Variants in LHFPL3 observed in about 807,000 individuals in gnomAD.
The protein encoded by LHFPL3 is LHFPL tetraspan subfamily member 3 protein.
LHFPL3 carries 5 observed loss-of-function variants against 19.3 expected under a neutral mutation model. That is an observed-to-expected ratio of 0.26 (90% CI 0.14 to 0.54). The LOEUF is 0.54. LHFPL3 is among the 20% of genes least tolerant of loss of function. The probability of loss-of-function intolerance (pLI) is 0.94; values close to 1 mark genes in which losing one functional copy is unlikely to be tolerated. For missense variants in LHFPL3, 249 were observed against 307.4 expected, an observed-to-expected ratio of 0.81 and a Z score of 1.42; for synonymous variants, 133 against 126.2, an observed-to-expected ratio of 1.05 and a Z score of -0.36.
At chr7:104,733,721 A>C (rs1347372460) in intron 1 of LHFPL3, among the ~76,000 whole-genome samples, 1 of 152,204 alleles carries the variant, frequency 6.6e-6, no homozygotes, top group Non-Finnish European at 1.5e-5. Context: ...GCCCATTTAC[A>C]TCTAAGACTA....
In LHFPL3 at chr7:104,871,973, T is replaced by TTATACCCTTATTCAACAGGTTTTTTCTC. The variant is rs1316065624; in HGVS notation, c.683-34210_683-34209insCCCTTATTCAACAGGTTTTTTCTCTATA. Among the ~76,000 whole-genome samples the TTATACCCTTATTCAACAGGTTTTTTCTC allele has an allele frequency of 3.9e-5, 6 of 152,236 alleles. No homozygotes were observed. In the East Asian group the frequency reaches 1.2e-3, roughly 29 times the overall value. ...ATGCCCAGCCAATATTATTTTTTCT[T>TTATACCCTTATTCAACAGGTTTTTTCTC]TATATCCTTATTCAACAGGTTTTTT... On this transcript the variant is annotated intron_variant, in intron 2 of 2. Coordinates refer to ENST00000424859, the MANE Select transcript of LHFPL3 (RefSeq NM_199000.3).
chr7:104,525,406 A>G (rs927397198), intron 1 of LHFPL3, among the ~76,000 whole-genome samples: 1 of 152,172 alleles, frequency 6.6e-6, no homozygotes, highest in Non-Finnish European at 1.5e-5. Context: ...TAATGCAGAT[A>G]CTTTTGGTTG....
intron 1 of LHFPL3, among the ~76,000 whole-genome samples, chr7:104,387,189 A>G (rs995480761): frequency 6.6e-6 from 1 of 152,132 alleles, no homozygotes; most frequent in Non-Finnish European, 1.5e-5. Flanking sequence ...TATTTTTAAA[A>G]CTGAATAAAA....
chr7:104,376,640 C>G (rs1790720086), intron 1 of LHFPL3, among the ~76,000 whole-genome samples: 1 of 152,098 alleles, frequency 6.6e-6, no homozygotes, highest in African/African-American at 2.4e-5. Flanking sequence ...TCTATGAAAG[C>G]TTTTATCAAA....
intron 1 of LHFPL3, among the ~76,000 whole-genome samples, chr7:104,418,684 A>G (rs1168659393): frequency 6.6e-6 from 1 of 152,232 alleles, no homozygotes; most frequent in Non-Finnish European, 1.5e-5. Flanking sequence ...AAGTCACTGC[A>G]GAGCATAATG....
intron 2 of LHFPL3, among the ~76,000 whole-genome samples, chr7:104,748,782 C>A (rs1295564743): frequency 6.6e-6 from 1 of 152,130 alleles, no homozygotes; most frequent in Non-Finnish European, 1.5e-5. Flanking sequence ...CCCGGGTCCC[C>A]TTATTTCTTT....
intron 1 of LHFPL3, among the ~76,000 whole-genome samples, chr7:104,657,670 TTG>T (rs1192090180): frequency 6.6e-6 from 1 of 152,204 alleles, no homozygotes; most frequent in African/African-American, 2.4e-5. Flanking sequence ...CCCACATCCT[TTG>T]CAGTCCAGTT....
At chr7:104,724,457 A>G (rs1793553154) in intron 1 of LHFPL3, among the ~76,000 whole-genome samples, 1 of 152,202 alleles carries the variant, frequency 6.6e-6, no homozygotes, top group African/African-American at 2.4e-5. Context: ...TTTTAAGTGC[A>G]ATTGTGTGTT....
chr7:104,888,448 T>C (rs1792190428), intron 2 of LHFPL3, among the ~76,000 whole-genome samples: 1 of 152,194 alleles, frequency 6.6e-6, no homozygotes, highest in South Asian at 2.1e-4. Flanking sequence ...GAGGGTCTCT[T>C]GGACCCAGGA....
chr7:104,487,166 T>C (rs191162759), intron 1 of LHFPL3, among the ~76,000 whole-genome samples: 258 of 152,352 alleles, frequency 1.7e-3, no homozygotes, highest in African/African-American at 6.0e-3. Flanking sequence ...TGATGTATAA[T>C]GAAACCAGTT....
At chr7:104,869,414 T>C (rs1791790125) in intron 2 of LHFPL3, among the ~76,000 whole-genome samples, 1 of 151,860 alleles carries the variant, frequency 6.6e-6, no homozygotes, top group East Asian at 1.9e-4. Context: ...AACAACCCCA[T>C]CAAAAAGTGG....
At chr7:104,393,156 C>T (rs1341626453) in intron 1 of LHFPL3, among the ~76,000 whole-genome samples, 1 of 151,970 alleles carries the variant, frequency 6.6e-6, no homozygotes, top group African/African-American at 2.4e-5. Flanking sequence ...ATCAAAAAGT[C>T]AGAAAATAAT....
chr7:104,466,415 A>G (rs918150561), intron 1 of LHFPL3, among the ~76,000 whole-genome samples: 3 of 152,108 alleles, frequency 2.0e-5, no homozygotes, highest in Non-Finnish European at 2.9e-5. Flanking sequence ...AAAAATGATA[A>G]CATTGGAGAC....
rs139359609 is a variant in LHFPL3 at position 104,840,685 on chromosome 7, G to C, written c.683-65502G>C. 3.0e-3 allele frequency among the ~76,000 whole-genome samples: 451 copies of C among 151,742 alleles called. 2 individuals carry two copies. Among genetic ancestry groups the C allele is most frequent in the African/African-American group, 0.01 (428 of 41,348 alleles). On this transcript the variant is annotated intron_variant, in intron 2 of 2. Coordinates refer to ENST00000424859, the MANE Select transcript of LHFPL3 (RefSeq NM_199000.3). Reference sequence around the variant, plus strand: ...GAACACCAAATATCCAGAAGGTGATGCATTTGAAGGAAAATCAGTCAATAC... The same window carrying C: ...GAACACCAAATATCCAGAAGGTGATCCATTTGAAGGAAAATCAGTCAATAC...
intron 1 of LHFPL3, among the ~76,000 whole-genome samples, chr7:104,682,784 T>C (rs1792731465): frequency 3.3e-5 from 5 of 152,364 alleles, no homozygotes; most frequent in Middle Eastern, 3.4e-3. Flanking sequence ...TTAATTTTAA[T>C]ATGCAACCAT....
chr7:104,546,599 C>G (rs1339012961), intron 1 of LHFPL3, among the ~76,000 whole-genome samples: 1 of 152,168 alleles, frequency 6.6e-6, no homozygotes, highest in Non-Finnish European at 1.5e-5. Flanking sequence ...CATTGTAGTA[C>G]AAATTGTTAC....
At chr7:104,626,511 G>T (rs748057166) in intron 1 of LHFPL3, among the ~76,000 whole-genome samples, 96 of 152,216 alleles carry the variant, frequency 6.3e-4, no homozygotes, top group Admixed American at 1.2e-3. Context: ...CATGCAGTTT[G>T]GGGTATTTGA....
intron 1 of LHFPL3, among the ~76,000 whole-genome samples, chr7:104,680,489 G>A (rs1471980816): frequency 6.6e-6 from 1 of 152,044 alleles, no homozygotes. Context: ...TGATTTGGGG[G>A]TAACTTTTAC....
chr7:104,380,346 T>C (rs1404613663), intron 1 of LHFPL3, among the ~76,000 whole-genome samples: 1 of 152,138 alleles, frequency 6.6e-6, no homozygotes, highest in Admixed American at 6.5e-5. Flanking sequence ...ATGTTAGATG[T>C]GGTAAATAGG....
Sources: allele counts gnomAD v4.1 joint callset (sites outside exome capture counted in the v4.1 genomes callset), GRCh38; gene constraint gnomAD v4.1.1; transcripts MANE v1.5; gene names NCBI Gene and HGNC (gene_info 2026-07-23, HGNC 2026-07-21).